The following MERTK variants were observed in gnomAD, a reference collection of about 807,000 sequenced individuals.
MERTK encodes the protein MER proto-oncogene, tyrosine kinase.
A neutral mutation model predicts 99.3 loss-of-function variants in MERTK; 69 were observed. The ratio of observed to expected loss-of-function variants is 0.70; its 90% CI spans 0.57 to 0.85. The LOEUF is 0.85. Among genes scored for constraint, MERTK ranks in the 40% least tolerant of loss-of-function variants. MERTK has a pLI of 0.00. For missense variants in MERTK, 1,125 were observed against 1,249.4 expected (o/e 0.90, Z 1.50); for synonymous variants, 426 against 467.6 (o/e 0.91, Z 1.15).
intron 7 of MERTK, 63 bp downstream of exon 7, chr2:111,975,535 C>A: frequency 6.4e-7 from 1 of 1,552,566 alleles, no homozygotes; most frequent in South Asian, 1.1e-5. Context: ...AAACCCTTCC[C>A]AGTGGCCTGA....
intron 2 of MERTK, among the ~76,000 whole-genome samples, chr2:111,944,534 G>GTTTTAAGGACTTATTCCTTAAAATAATTC (rs1573589856): frequency 4.2e-5 from 1 of 23,604 alleles, no homozygotes; most frequent in Non-Finnish European, 9.5e-5. Flanking sequence ...TAAGGAATTA[G>GTTTTAAGGACTTATTCCTTAAAATAATTC]CTCACACACA....
chr2:112,028,309 G>A, intron 18 of MERTK, 42 bp from the exon 19 acceptor site: 2 of 1,580,290 alleles, frequency 1.3e-6, no homozygotes, highest in Non-Finnish European at 1.7e-6. Context: ...CAAAGAGATG[G>A]GTGCCATGCT....
intron 18 of MERTK, among the ~76,000 whole-genome samples, chr2:112,023,540 G>A (rs1380666551): frequency 1.3e-5 from 2 of 152,074 alleles, no homozygotes; most frequent in Non-Finnish European, 2.9e-5. Flanking sequence ...CAGGGCCCCC[G>A]TCTTCAAGGC....
intron 1 of MERTK, among the ~76,000 whole-genome samples, chr2:111,918,792 C>T (rs1684401642): frequency 6.6e-6 from 1 of 152,194 alleles, no homozygotes; most frequent in South Asian, 2.1e-4. Flanking sequence ...ATGCCAGACA[C>T]TGTGCATTGT....
chr2:111,955,685 G>A lies in MERTK; in HGVS notation c.757+8118G>A, dbSNP rs560487209. On this transcript the variant is annotated intron_variant, in intron 4 of 18. Transcript: ENST00000295408. ...TGGTTATGTAAGATCTTATCATTGG[G>A]TAAAGCTGGGTGAAGGATGTACAGT... Among the ~76,000 whole-genome samples the A allele has an allele frequency of 3.9e-5, 6 of 152,240 alleles. No homozygotes were observed. In the South Asian group the frequency reaches 1.2e-3, roughly 32 times the overall value.
chr2:111,935,299 A>G lies in MERTK; in HGVS notation c.482+5759A>G, dbSNP rs537468826. ...AGACCTGGTCCCTGTCCTCCTGCTC[A>G]TGGTTGTGAACAGAATGGAGGGGAA... On this transcript the variant is annotated intron_variant, in intron 2 of 18. Transcript: ENST00000295408. Among the ~76,000 whole-genome samples, 41 of 152,308 alleles carry G rather than the reference A, an allele frequency of 2.7e-4. No individual in the cohort carries two copies. In the South Asian group the frequency reaches 8.5e-3, roughly 32 times the overall value.
intron 18 of MERTK, among the ~76,000 whole-genome samples, chr2:112,025,541 C>T (rs538846884): frequency 6.6e-6 from 1 of 152,298 alleles, no homozygotes; most frequent in East Asian, 1.9e-4. Context: ...ATCCCTCCCT[C>T]CACTGCCACC....
intron 18 of MERTK, among the ~76,000 whole-genome samples, chr2:112,024,669 C>T (rs1320105374): frequency 6.6e-6 from 1 of 152,214 alleles, no homozygotes; most frequent in Non-Finnish European, 1.5e-5. Context: ...TGGCTCATGC[C>T]TGTAATCCTA....
chr2:112,026,628 A>G (rs1677465974), intron 18 of MERTK, among the ~76,000 whole-genome samples: 1 of 152,224 alleles, frequency 6.6e-6, no homozygotes, highest in African/African-American at 2.4e-5. Context: ...GGATTGTGAG[A>G]CAGGGAAATG....
intron 2 of MERTK, 109 bp from the exon 3 acceptor site, chr2:111,944,851 T>G: frequency 1.1e-6 from 1 of 929,676 alleles, no homozygotes; most frequent in Middle Eastern, 2.3e-4. Flanking sequence ...AGCTGACATA[T>G]AAAATTAACT....
intron 1 of MERTK, among the ~76,000 whole-genome samples, chr2:111,911,155 T>C (rs979168875): frequency 9.2e-5 from 14 of 152,076 alleles, no homozygotes; most frequent in African/African-American, 3.4e-4. Flanking sequence ...GTCCCCTTTG[T>C]GGAAACAAGG....
chr2:111,944,832 G>A (rs1036620892), intron 2 of MERTK, 128 bp from the exon 3 acceptor site: 79 of 790,900 alleles, frequency 1.0e-4, no homozygotes, highest in Non-Finnish European at 2.3e-5. Flanking sequence ...GCGTACAATG[G>A]CCTAGCCAAG....
intron 10 of MERTK, among the ~76,000 whole-genome samples, chr2:111,998,025 A>G (rs1676789169): frequency 6.6e-6 from 1 of 152,152 alleles, no homozygotes; most frequent in Non-Finnish European, 1.5e-5. Context: ...TGAGGGGTGT[A>G]TGGCTATACT....
rs546478266 is a variant in MERTK at position 111,948,184 on chromosome 2, C to A, written c.757+617C>A. 2.6e-5 allele frequency among the ~76,000 whole-genome samples: 4 copies of A among 152,294 alleles called. No homozygotes were observed. In the South Asian group the frequency reaches 6.2e-4, roughly 24 times the overall value. ...AGCAACATCAGGCAAGGTTACCACA[C>A]TCCCTCCCTCCTTCCTTTCTCCAGG... On this transcript the variant is annotated intron_variant, in intron 4 of 18. Coordinates refer to ENST00000295408, the MANE Select transcript of MERTK (RefSeq NM_006343.3).
At chr2:111,938,180 G>A (rs532052244) in intron 2 of MERTK, among the ~76,000 whole-genome samples, 19 of 152,234 alleles carry the variant, frequency 1.2e-4, no homozygotes, top group Middle Eastern at 3.4e-3. Context: ...AGGCTCAAGC[G>A]ATCCTCCCAC....
At chr2:111,925,691 G>A (rs1684552305) in intron 1 of MERTK, among the ~76,000 whole-genome samples, 1 of 151,884 alleles carries the variant, frequency 6.6e-6, no homozygotes, top group Non-Finnish European at 1.5e-5. Flanking sequence ...TTTAGTGGGT[G>A]GCCTTGCCCC....
chr2:111,984,784 A>G (rs936838294), intron 8 of MERTK, among the ~76,000 whole-genome samples: 8 of 152,200 alleles, frequency 5.3e-5, no homozygotes, highest in Non-Finnish European at 8.8e-5. Context: ...CCACCAGAGC[A>G]TATTTGCTGA....
chr2:112,022,630 C>G, intron 18 of MERTK: 1 of 754,002 alleles, frequency 1.3e-6, no homozygotes, highest in Non-Finnish European at 2.4e-6. Context: ...GGGCCTCAGT[C>G]TCGAACGACA....
chr2:111,987,119 G>T (rs1397143169), intron 8 of MERTK, among the ~76,000 whole-genome samples: 3 of 152,180 alleles, frequency 2.0e-5, no homozygotes, highest in African/African-American at 7.2e-5. Context: ...ACTTCCTTAT[G>T]CAGGACAGAG....
Sources: allele counts gnomAD v4.1 joint callset (sites outside exome capture counted in the v4.1 genomes callset), GRCh38; gene constraint gnomAD v4.1.1; transcripts MANE v1.5; gene names NCBI Gene and HGNC (gene_info 2026-07-23, HGNC 2026-07-21).